MTSS1: variants seen among roughly 807,000 people sequenced by gnomAD.
The protein encoded by MTSS1 is protein MTSS 1.
MTSS1 carries 18 observed loss-of-function variants against 79.0 expected under a neutral mutation model. The observed-to-expected ratio is 0.23, with a 90% CI of 0.16 to 0.34. The LOEUF is 0.34. MTSS1 is among the 10% of genes least tolerant of loss of function. MTSS1 has a pLI of 1.00. For missense variants in MTSS1, 815 were observed against 986.2 expected (o/e 0.83, Z 2.33); for synonymous variants, 341 against 368.6 (o/e 0.93, Z 0.86).
chr8:124,594,248 T>C (rs1405714881), intron 3 of MTSS1, among the ~76,000 whole-genome samples: 1 of 152,208 alleles, frequency 6.6e-6, no homozygotes, highest in Non-Finnish European at 1.5e-5. Context: ...ACAGATGAAC[T>C]GGCCGGGCTC....
chr8:124,607,982 G>T (rs2133197400), intron 3 of MTSS1, among the ~76,000 whole-genome samples: 1 of 152,182 alleles, frequency 6.6e-6, no homozygotes, highest in Non-Finnish European at 1.5e-5. Context: ...GTCCTCAGTG[G>T]TTAGAAGCCA....
chr8:124,678,176 C>T (rs181541673), intron 3 of MTSS1, among the ~76,000 whole-genome samples: 17 of 152,162 alleles, frequency 1.1e-4, no homozygotes. Flanking sequence ...TGAGTTTGGC[C>T]AGTGGATAGT....
At chr8:124,614,389 A>G (rs1222082011) in intron 3 of MTSS1, among the ~76,000 whole-genome samples, 3 of 152,072 alleles carry the variant, frequency 2.0e-5, no homozygotes, top group Non-Finnish European at 4.4e-5. Flanking sequence ...CCGCAATACC[A>G]TTTCCCTCTC....
chr8:124,556,642 C>A lies in MTSS1; in HGVS notation c.1231-237G>T, dbSNP rs576194959. The A allele has an allele frequency of 8.1e-5, 44 of 541,058 alleles. 1 individual carries two copies. Among genetic ancestry groups the A allele is most frequent in the South Asian group, 7.4e-4 (28 of 37,990 alleles). The allele number at this position is 541,058 out of a possible 1,614,324, so 33.5% of individuals were successfully genotyped here. Reference sequence around the variant, plus strand: ...CTCGTCTCTGCCCAAAGATTAAAAACCCTCACCCACCAGGTGGCAGCAGGA... The same window carrying A: ...CTCGTCTCTGCCCAAAGATTAAAAAACCTCACCCACCAGGTGGCAGCAGGA... On this transcript the variant is annotated intron_variant, in intron 11 of 13. Coordinates refer to ENST00000518547, the MANE Select transcript of MTSS1 (RefSeq NM_014751.6).
intron 1 of MTSS1, among the ~76,000 whole-genome samples, chr8:124,712,738 G>A (rs1055796763): frequency 1.4e-5 from 2 of 141,488 alleles, no homozygotes; most frequent in Non-Finnish European, 3.1e-5. Context: ...TTCCTCGCCC[G>A]CCCACCCTCA....
At position 124,651,779 on chromosome 8, in the gene MTSS1, C is replaced by G. The variant is rs549345157; in HGVS notation, c.208+47747G>C. On this transcript the variant is annotated intron_variant, in intron 3 of 13. Transcript: ENST00000518547. ...TTCACTGAGCCTGGGTTACCCTGAT[C>G]CCCAGACTCGAGGACCCAGTGACAT... 2.9e-3 allele frequency among the ~76,000 whole-genome samples: 448 copies of G among 152,270 alleles called. 1 individual carries two copies. The highest frequency in any genetic ancestry group is 5.2e-3 in the Non-Finnish European group (354 of 68,010).
At chr8:124,664,148 AC>A (rs1338308192) in intron 3 of MTSS1, among the ~76,000 whole-genome samples, 1 of 152,092 alleles carries the variant, frequency 6.6e-6, no homozygotes, top group Non-Finnish European at 1.5e-5. Context: ...CTGCAGGGCT[AC>A]CCCCTCTCCA....
rs149011156 is a variant in MTSS1 at position 124,597,551 on chromosome 8, C to A, written c.209-6316G>T. ...GCGACAGGCAGGACGGTGGGTCCTT[C>A]GAGTGGCATTGTCCTGTCCCTCCAA... On this transcript the variant is annotated intron_variant, in intron 3 of 13. Transcript: ENST00000518547. The surrounding 1 kb of genome is among the most constrained non-coding windows in gnomAD (Gnocchi z 4.6). Among the ~76,000 whole-genome samples the A allele has an allele frequency of 6.6e-6, 1 of 152,200 alleles. No individual in the cohort carries two copies. Among genetic ancestry groups the A allele is most frequent in the Non-Finnish European group, 1.5e-5 (1 of 68,040 alleles).
intron 9 of MTSS1, among the ~76,000 whole-genome samples, chr8:124,563,831 C>A (rs928804500): frequency 5.3e-5 from 8 of 152,188 alleles, no homozygotes; most frequent in Non-Finnish European, 1.2e-4. Context: ...CATCTCCACT[C>A]AAAAGAAACA....
intron 3 of MTSS1, among the ~76,000 whole-genome samples, chr8:124,667,133 A>C (rs1823246102): frequency 6.6e-6 from 1 of 152,030 alleles, no homozygotes; most frequent in Non-Finnish European, 1.5e-5. Flanking sequence ...TTAGGATTTG[A>C]TTTGAGATGG....
chr8:124,690,296 C>A (rs1303191825), intron 3 of MTSS1, among the ~76,000 whole-genome samples: 1 of 152,174 alleles, frequency 6.6e-6, no homozygotes, highest in Non-Finnish European at 1.5e-5. Flanking sequence ...AATGGGGAAA[C>A]CCCATTGAAT....
At chr8:124,706,057 C>A (rs1830339799) in intron 1 of MTSS1, among the ~76,000 whole-genome samples, 1 of 152,212 alleles carries the variant, frequency 6.6e-6, no homozygotes, top group African/African-American at 2.4e-5. Flanking sequence ...TCATTTTCTT[C>A]TGTTAAATGA....
chr8:124,623,293 G>A (rs1340432655), intron 3 of MTSS1, among the ~76,000 whole-genome samples: 1 of 152,244 alleles, frequency 6.6e-6, no homozygotes. Context: ...TGTCTATAGT[G>A]AACCTGTCAT....
intron 1 of MTSS1, among the ~76,000 whole-genome samples, chr8:124,707,367 C>T (rs914711935): frequency 6.7e-6 from 1 of 149,598 alleles, no homozygotes; most frequent in South Asian, 2.1e-4. Context: ...GACAACATGG[C>T]GAGACCCCAT....
chr8:124,643,652 C>T (rs530674040), intron 3 of MTSS1, among the ~76,000 whole-genome samples: 18 of 140,420 alleles, frequency 1.3e-4, no homozygotes, highest in Admixed American at 8.3e-4. Flanking sequence ...GAGCCAAGAT[C>T]GCACCATTGC....
chr8:124,595,892 G>T (rs1159277592), intron 3 of MTSS1, among the ~76,000 whole-genome samples: 1 of 152,184 alleles, frequency 6.6e-6, no homozygotes, highest in African/African-American at 2.4e-5. Flanking sequence ...TTTGGCAGTG[G>T]CTGCTTCAGG....
intron 6 of MTSS1, among the ~76,000 whole-genome samples, chr8:124,570,223 A>T (rs1434696979): frequency 2.0e-5 from 3 of 152,178 alleles, no homozygotes; most frequent in Non-Finnish European, 2.9e-5. Flanking sequence ...GTCAAAGATC[A>T]CCCTTGAAAA....
chr8:124,617,989 G>T (rs1231983335), intron 3 of MTSS1, among the ~76,000 whole-genome samples: 1 of 152,118 alleles, frequency 6.6e-6, no homozygotes, highest in African/African-American at 2.4e-5. Flanking sequence ...ATTTACGTGG[G>T]TTATGCAGGT....
intron 3 of MTSS1, 200 bp downstream of exon 3, chr8:124,699,323 ATTC>A: frequency 1.8e-6 from 1 of 558,864 alleles, no homozygotes. Context: ...TTCCTTTTTC[ATTC>A]TTCTTCACAT....
Sources: gnomAD v4.1 joint callset for allele counts (sites outside exome capture counted in the v4.1 genomes callset) on GRCh38, gnomAD v4.1.1 for gene constraint, Gnocchi (gnomAD v3.1) non-coding constraint, MANE v1.5 for transcripts, NCBI Gene and HGNC (gene_info 2026-07-23, HGNC 2026-07-21) for gene names.